Variants in XKR9 observed in about 807,000 individuals in gnomAD.
The protein encoded by XKR9 is XK-related protein 9.
XKR9 carries 32 observed loss-of-function variants against 32.0 expected under a neutral mutation model. The observed-to-expected ratio is 1.00, with a 90% confidence interval of 0.76 to 1.34. The LOEUF (loss-of-function observed/expected upper bound fraction) is 1.34. Among genes scored for constraint, XKR9 ranks in the 40% most tolerant of loss-of-function variants. The pLI, the probability that XKR9 is intolerant of heterozygous loss-of-function variation, is 0.00. For missense variants in XKR9, 546 were observed against 429.7 expected, an observed-to-expected ratio of 1.27 and a Z score of -2.39; for synonymous variants, 168 against 143.4, an observed-to-expected ratio of 1.17 and a Z score of -1.22.
At chr8:70,766,316 T>A (rs918608546) in intron 2 of XKR9, among the ~76,000 whole-genome samples, 1 of 152,232 alleles carries the variant, frequency 6.6e-6, no homozygotes. Flanking sequence ...GAAGAGGTCC[T>A]TTACATCCTT....
the XKR9 span, among the ~76,000 whole-genome samples, chr8:71,051,528 G>GGTGTGT: frequency 2.5e-5 from 1 of 40,208 alleles, no homozygotes; most frequent in Admixed American, 2.5e-4. Context: ...GTGGTGGTGG[G>GGTGTGT]GTGTGTGTGT....
At chr8:70,772,910 C>T (rs16937223) in intron 2 of XKR9, among the ~76,000 whole-genome samples, 17,870 of 152,048 alleles carry the variant, frequency 0.12, 1,260 homozygotes, top group African/African-American at 0.2. Context: ...AAGGATAAAG[C>T]ATTGTTGGTT....
rs1806837098 is a variant in XKR9 at position 70,735,527 on chromosome 8, T to C, written c.*1103T>C. 1 of 151,608 alleles carries C rather than the reference T, an allele frequency of 6.6e-6. No individual in the cohort carries two copies. The allele number at this position is 151,608 out of a possible 1,614,324, so 9.4% of individuals were successfully genotyped here. On this transcript the variant is annotated 3_prime_UTR_variant, in exon 5 of 5. Transcript: ENST00000408926. ...GTGCACAATGTGCAGGTTAGTTACA[T>C]ATGTATACATGTGCCATGCTGGTGT...
chr8:70,823,517 T>C, the XKR9 span, among the ~76,000 whole-genome samples: 1 of 152,366 alleles, frequency 6.6e-6, no homozygotes, highest in African/African-American at 2.4e-5. Flanking sequence ...CTATCTTTTC[T>C]ATTACCAACT....
the XKR9 span, among the ~76,000 whole-genome samples, chr8:70,840,051 G>C: frequency 6.6e-6 from 1 of 152,152 alleles, no homozygotes; most frequent in Non-Finnish European, 1.5e-5. Context: ...ATGGCTACTA[G>C]GGTGGGTACT....
chr8:70,817,788 G>T, the XKR9 span, among the ~76,000 whole-genome samples: 2 of 152,074 alleles, frequency 1.3e-5, no homozygotes, highest in African/African-American at 2.4e-5. Flanking sequence ...TAACAGAAAA[G>T]AGAACCCAGA....
chr8:70,786,368 G>A (rs1029295216), intron 2 of XKR9, among the ~76,000 whole-genome samples: 7 of 152,044 alleles, frequency 4.6e-5, no homozygotes, highest in Non-Finnish European at 1.0e-4. Context: ...TGTTTTAAGT[G>A]GGGGTACTGA....
rs539852785 is a variant in XKR9, at chr8:70,685,489, G to T, written c.272+4159G>T. 2.5e-3 allele frequency among the ~76,000 whole-genome samples: 263 copies of T among 103,596 alleles called. 1 individual carries two copies. The highest frequency in any genetic ancestry group is 8.2e-3 in the African/African-American group (255 of 31,252). 68.0% of individuals were successfully genotyped at this position (103,596 alleles called of 152,430 possible). The stretch of plus-strand genomic sequence containing the variant: ...GCACACATGTACCGTAAAACTTAAA[G>T]TATAATAATAATAATAATAATAAAG... On this transcript the variant is annotated intron_variant, in intron 3 of 4. Coordinates refer to ENST00000408926, the MANE Select transcript of XKR9 (RefSeq NM_001011720.2).
intron 3 of XKR9, among the ~76,000 whole-genome samples, chr8:70,694,719 A>G (rs1054022935): frequency 9.2e-5 from 14 of 152,214 alleles, no homozygotes; most frequent in African/African-American, 3.4e-4. Flanking sequence ...CTAGAATTCC[A>G]AGTAAGTGGG....
chr8:71,015,543 TTC>T, the XKR9 span, among the ~76,000 whole-genome samples: 1 of 152,170 alleles, frequency 6.6e-6, no homozygotes, highest in Admixed American at 6.5e-5. Flanking sequence ...GTATTGTGCT[TTC>T]TGTCATTCAG....
At chr8:70,683,653 A>G in intron 3 of XKR9, 1 of 387,150 alleles carries the variant, frequency 2.6e-6, no homozygotes, top group South Asian at 1.8e-5. Flanking sequence ...ACACTTGGTT[A>G]ATTTTTGTAT....
At chr8:70,742,436 A>G (rs1807001235) in intron 2 of XKR9, among the ~76,000 whole-genome samples, 1 of 152,208 alleles carries the variant, frequency 6.6e-6, no homozygotes, top group Non-Finnish European at 1.5e-5. Context: ...TTGATTCGGA[A>G]TCTTTGAGTA....
At chr8:70,699,068 C>T (rs931462984) in intron 3 of XKR9, among the ~76,000 whole-genome samples, 1 of 152,098 alleles carries the variant, frequency 6.6e-6, no homozygotes, top group African/African-American at 2.4e-5. Context: ...TATTTTGAGC[C>T]TATGTGTGTC....
At chr8:70,759,683 A>G (rs763882324) in intron 2 of XKR9, among the ~76,000 whole-genome samples, 1 of 152,118 alleles carries the variant, frequency 6.6e-6, no homozygotes, top group Non-Finnish European at 1.5e-5. Context: ...GACTTGTTTT[A>G]ATTACCGTAT....
the XKR9 span, among the ~76,000 whole-genome samples, chr8:70,903,690 G>A: frequency 6.6e-6 from 1 of 152,028 alleles, no homozygotes. Flanking sequence ...CTTTTGAATT[G>A]TGTTTGCTCT....
chr8:70,906,666 G>A, the XKR9 span, among the ~76,000 whole-genome samples: 9 of 152,068 alleles, frequency 5.9e-5, no homozygotes, highest in Non-Finnish European at 2.9e-5. Flanking sequence ...ATGATAAATT[G>A]AGAAAGCAGA....
At chr8:70,988,393 A>G in the XKR9 span, among the ~76,000 whole-genome samples, 1 of 152,180 alleles carries the variant, frequency 6.6e-6, no homozygotes, top group East Asian at 1.9e-4. Context: ...AAAATAAATA[A>G]CAGCATATTT....
the XKR9 span, among the ~76,000 whole-genome samples, chr8:70,940,281 C>T: frequency 1.3e-5 from 2 of 152,062 alleles, no homozygotes; most frequent in African/African-American, 4.8e-5. Flanking sequence ...TCATGCTCTG[C>T]TTCGTGATCT....
chr8:71,053,968 A>G, the XKR9 span, among the ~76,000 whole-genome samples: 1 of 152,224 alleles, frequency 6.6e-6, no homozygotes, highest in Non-Finnish European at 1.5e-5. Flanking sequence ...ATTTTGTTCA[A>G]CAGTCTCAGC....
Sources: allele counts gnomAD v4.1 joint callset (sites outside exome capture counted in the v4.1 genomes callset), GRCh38; gene constraint gnomAD v4.1.1; transcripts MANE v1.5; gene names NCBI Gene and HGNC (gene_info 2026-07-23, HGNC 2026-07-21).